KCNK18: variants seen among roughly 807,000 people sequenced by gnomAD.
KCNK18 encodes potassium channel subfamily K member 18.
Under a neutral mutation model 11.8 loss-of-function variants are expected in KCNK18, and 8 were observed. That is an observed-to-expected ratio of 0.68 (90% CI 0.40 to 1.22). The LOEUF is 1.22. Among genes scored for constraint, KCNK18 ranks in the 50% most tolerant of loss-of-function variants. KCNK18 has a pLI of 0.01. For synonymous variants in KCNK18, 208 were observed against 185.8 expected (o/e 1.12, Z -0.97); for missense variants, 442 against 465.4 (o/e 0.95, Z 0.46).
intron 2 of KCNK18, among the ~76,000 whole-genome samples, chr10:117,201,886 AC>A (rs1393623439): frequency 2.6e-5 from 4 of 152,114 alleles, no homozygotes; most frequent in African/African-American, 7.2e-5. Context: ...TTAAGGGCTC[AC>A]TCTGAGCTGG....
chr10:117,198,608 A>G lies in KCNK18; in HGVS notation c.223+897A>G, dbSNP rs1854978328. Among the ~76,000 whole-genome samples the G allele has an allele frequency of 4.0e-5, 6 of 150,882 alleles. No homozygotes were observed. In the South Asian group the frequency reaches 1.3e-3, roughly 32 times the overall value. Reference sequence around the variant, plus strand: ...CAAGATAAAACAAGGGAGAGTAGATAAATGAAAAACAAAGGAAAACCAGAC... The same window carrying G: ...CAAGATAAAACAAGGGAGAGTAGATGAATGAAAAACAAAGGAAAACCAGAC... On this transcript the variant is annotated intron_variant, in intron 1 of 2. Transcript: ENST00000334549.
At chr10:117,201,418 C>T in intron 2 of KCNK18, 131 bp downstream of exon 2, 2 of 934,074 alleles carry the variant, frequency 2.1e-6, no homozygotes. Context: ...TTCCTCAAAT[C>T]TATATTGCAC....
At chr10:117,204,294 GA>G (rs1261793805) in intron 2 of KCNK18, among the ~76,000 whole-genome samples, 5 of 148,266 alleles carry the variant, frequency 3.4e-5, no homozygotes, top group African/African-American at 9.9e-5. Flanking sequence ...AAAGAAAAAA[GA>G]AAAAAACCTC....
chr10:117,199,865 C>CT (rs1221416455), intron 1 of KCNK18, among the ~76,000 whole-genome samples: 1 of 152,188 alleles, frequency 6.6e-6, no homozygotes, highest in Non-Finnish European at 1.5e-5. Flanking sequence ...ACAAGTCTAG[C>CT]AGGTGGCCTC....
At chr10:117,201,066 G>A in intron 1 of KCNK18, 93 bp from the exon 2 acceptor site, 1 of 1,494,576 alleles carries the variant, frequency 6.7e-7, no homozygotes, top group Non-Finnish European at 9.3e-7. Context: ...AGGGGCTGCT[G>A]GTCCTTGGGG....
rs759847537 is a variant in KCNK18 at position 117,210,148 on chromosome 10, ACTT to A, written c.1009_1011del (p.Phe337del). On this transcript the variant is annotated inframe_deletion, in exon 3 of 3. Transcript: ENST00000334549. The stretch of plus-strand genomic sequence containing the variant: ...GGGGATACTGTTTTAGAACACCCTA[ACTT>A]CTTCCTGTTCTTCTCCATTTATATC... 13 of 1,614,158 alleles carry A rather than the reference ACTT, an allele frequency of 8.1e-6. No individual in the cohort carries two copies. In the East Asian group the frequency reaches 2.7e-4, roughly 33 times the overall value.
intron 1 of KCNK18, among the ~76,000 whole-genome samples, chr10:117,200,150 T>G (rs951265112): frequency 1.3e-5 from 2 of 152,188 alleles, no homozygotes; most frequent in African/African-American, 4.8e-5. Flanking sequence ...CGATCTTGGC[T>G]CACTGCAACC....
chr10:117,203,758 A>T (rs2133703834), intron 2 of KCNK18, among the ~76,000 whole-genome samples: 1 of 152,256 alleles, frequency 6.6e-6, no homozygotes, highest in South Asian at 2.1e-4. Flanking sequence ...TGTGGTCTTG[A>T]ACTCCTGACC....
chr10:117,207,091 C>A (rs190520037), intron 2 of KCNK18, among the ~76,000 whole-genome samples: 2 of 152,104 alleles, frequency 1.3e-5, no homozygotes, highest in Non-Finnish European at 2.9e-5. Flanking sequence ...TACAGTAGCA[C>A]GATCTCAGCT....
At chr10:117,205,389 T>C (rs1855063527) in intron 2 of KCNK18, among the ~76,000 whole-genome samples, 1 of 152,222 alleles carries the variant, frequency 6.6e-6, no homozygotes, top group South Asian at 2.1e-4. Context: ...CTTTAAACTT[T>C]TTCAGGAATG....
chr10:117,203,947 C>T (rs1855045859), intron 2 of KCNK18, among the ~76,000 whole-genome samples: 1 of 152,172 alleles, frequency 6.6e-6, no homozygotes, highest in African/African-American at 2.4e-5. Context: ...TCCCAAAGTT[C>T]TGGGATTATA....
intron 2 of KCNK18, among the ~76,000 whole-genome samples, chr10:117,208,163 T>C (rs1855097132): frequency 6.6e-6 from 1 of 152,130 alleles, no homozygotes; most frequent in African/African-American, 2.4e-5. Context: ...GAGAGTCCTG[T>C]GGATTTGACC....
At chr10:117,207,652 C>T (rs1337173459) in intron 2 of KCNK18, among the ~76,000 whole-genome samples, 1 of 152,130 alleles carries the variant, frequency 6.6e-6, no homozygotes, top group Non-Finnish European at 1.5e-5. Flanking sequence ...GGAATGGATG[C>T]AAACTGATGA....
chr10:117,209,666 C>T lies in KCNK18; in HGVS notation c.522C>T (p.Arg174=), dbSNP rs1004214743. The change falls in exon 3 of 3, where the codon CGC becomes CGT. Residue 174 remains arginine (R), a synonymous_variant. Coordinates refer to ENST00000334549, the MANE Select transcript of KCNK18 (RefSeq NM_181840.1). ...TCCGAAAATTCCCTTTCTTTACCCG[C>T]CCCCTCCTCTCCAAGTGGTGCCCCA... is the stretch of plus-strand genomic sequence containing the variant. ...NRFRKFPFFT[R]PLLSKWCPKS... 1.7e-5 allele frequency: 27 copies of T among 1,613,970 alleles called. No homozygotes were observed. The highest frequency in any genetic ancestry group is 2.1e-5 in the Non-Finnish European group (25 of 1,180,026).
At chr10:117,198,498 C>T (rs895892074) in intron 1 of KCNK18, among the ~76,000 whole-genome samples, 3 of 152,212 alleles carry the variant, frequency 2.0e-5, no homozygotes, top group African/African-American at 7.2e-5. Context: ...TTTATAGTGT[C>T]CTCATTGCAT....
chr10:117,208,414 C>T (rs538815723), intron 2 of KCNK18, among the ~76,000 whole-genome samples: 1 of 152,078 alleles, frequency 6.6e-6, no homozygotes, highest in Admixed American at 6.6e-5. Context: ...AGTCAATACG[C>T]AAAGTAGGTA....
intron 1 of KCNK18, 101 bp from the exon 2 acceptor site, chr10:117,201,058 G>A: frequency 7.0e-7 from 1 of 1,425,988 alleles, no homozygotes; most frequent in Non-Finnish European, 9.8e-7. Context: ...CAAGGCAAAG[G>A]GGCTGCTGGT....
chr10:117,207,118 C>T (rs1179186040), intron 2 of KCNK18, among the ~76,000 whole-genome samples: 6 of 152,022 alleles, frequency 3.9e-5, no homozygotes, highest in African/African-American at 1.4e-4. Context: ...AACCTCCGCC[C>T]CCTGGGTTCA....
At chr10:117,201,308 C>A (rs1564989969) in intron 2 of KCNK18, 21 bp downstream of exon 2, 2 of 1,611,026 alleles carry the variant, frequency 1.2e-6, no homozygotes, top group Non-Finnish European at 1.7e-6. Context: ...AGCCACAGTC[C>A]CCCTCACGGT....
Sources: gnomAD v4.1 joint callset for allele counts (sites outside exome capture counted in the v4.1 genomes callset) on GRCh38, gnomAD v4.1.1 for gene constraint, MANE v1.5 for transcripts, NCBI Gene and HGNC (gene_info 2026-07-23, HGNC 2026-07-21) for gene names.